The following ETV3L variants were observed in gnomAD, a reference collection of about 807,000 sequenced individuals.
ETV3L encodes ETS variant transcription factor 3 like.
Under a neutral mutation model 27.6 loss-of-function variants are expected in ETV3L, and 30 were observed. That is an observed-to-expected ratio of 1.09 (90% CI 0.81 to 1.48). ETV3L has a LOEUF of 1.48. ETV3L is among the 40% of genes most tolerant of loss of function. The pLI, the probability that ETV3L is intolerant of heterozygous loss-of-function variation, is 0.00. For synonymous variants in ETV3L, 186 were observed against 188.9 expected (o/e 0.98, Z 0.12); for missense variants, 443 against 455.6 (o/e 0.97, Z 0.25).
At chr1:157,098,920 G>C (rs1674285385) in intron 2 of ETV3L, 25 bp from the exon 3 acceptor site, 1 of 1,594,880 alleles carries the variant, frequency 6.3e-7, no homozygotes, top group Non-Finnish European at 8.6e-7. Flanking sequence ...GTTGAGAATA[G>C]AGTTGGCCCA....
chr1:157,097,788 C>T lies in ETV3L; in HGVS notation c.607+80G>A. ...CATAGTATCCCTTGTCTCATGCCCC[C>T]TCAGCCATGTACTCAGCCAGGAGGG... On this transcript the variant is annotated intron_variant, in intron 4 of 4. Transcript: ENST00000454449. 4 of 1,561,414 alleles carry T rather than the reference C, an allele frequency of 2.6e-6. No individual in the cohort carries two copies. The East Asian group carries it at 9.0e-5, about 35-fold the overall frequency.
rs755794675 is a variant in ETV3L at position 157,097,874 on chromosome 1, CGCT to C, written c.598_600del (p.Ser200del). ...CCCAGCCTTGAGCACTCACGGTAGACGCTGCTGCTGCTCCCCTTCTTATCCCCA... is the reference window on the plus strand; with the variant it reads ...CCCAGCCTTGAGCACTCACGGTAGACGCTGCTGCTCCCCTTCTTATCCCCA... On this transcript the variant is annotated inframe_deletion, in exon 4 of 5. Coordinates refer to ENST00000454449, the MANE Select transcript of ETV3L (RefSeq NM_001004341.2). 1.7e-5 allele frequency: 27 copies of C among 1,612,562 alleles called. No individual in the cohort carries two copies. Among genetic ancestry groups the C allele is most frequent in the Middle Eastern group, 1.9e-4 (1 of 5,370 alleles).
rs1199777868 is a variant in ETV3L, at chr1:157,099,372, G to T, written c.65C>A (p.Ala22Asp). 3 of 1,614,150 alleles carry T rather than the reference G, an allele frequency of 1.9e-6. No homozygotes were observed. Among genetic ancestry groups the T allele is most frequent in the East Asian group, 4.5e-5 (2 of 44,854 alleles). Residue 22 changes from alanine to aspartate, a missense_variant, in exon 2 of 5, where the codon GCC becomes GAC. Ala to Asp is a moderately radical substitution (Grantham distance 126). Transcript: ENST00000454449. ...GGCTTTGTAGGCCCAATCAGGGAAG[G>T]CCAACCCTGGGTGGAGAGGGGAGAG... is the stretch of plus-strand genomic sequence containing the variant. ...ANPGNWISGL[A>D]FPDWAYKAES...
In ETV3L at chr1:157,099,291, A is replaced by C; in HGVS notation, c.146T>G (p.Leu49Arg). The C allele has an allele frequency of 6.2e-7, 1 of 1,614,124 alleles. No individual in the cohort carries two copies. The highest frequency in any genetic ancestry group is 1.7e-5 in the Admixed American group (1 of 60,030). ...GACATGGCGGAACTCTTCCTTCTGCAGCAGCTCCAGGATGAAGTGCCACAG... is the reference window on the plus strand; with the variant it reads ...GACATGGCGGAACTCTTCCTTCTGCCGCAGCTCCAGGATGAAGTGCCACAG... ...IQLWHFILEL[L>R]QKEEFRHVIA... Residue 49 changes from leucine to arginine, a missense_variant, in exon 2 of 5, where the codon CTG (leucine) becomes CGG (arginine). Transcript: ENST00000454449.
In ETV3L at chr1:157,099,247, C is replaced by T; in HGVS notation, c.190G>A (p.Glu64Lys). The T allele has an allele frequency of 6.2e-7, 1 of 1,613,962 alleles. No individual in the cohort carries two copies. Among genetic ancestry groups the T allele is most frequent in the South Asian group, 1.1e-5 (1 of 91,074 alleles). ...FRHVIAWQQGEYGEFVIKDPD... is the reference protein window; with the variant it reads ...FRHVIAWQQGKYGEFVIKDPD... ...TCCTTGATGACAAATTCCCCGTACT[C>T]TCCCTGCTGCCAGGCGATGACATGG... The change falls in exon 2 of 5, where the codon GAG (glutamate) becomes AAG (lysine). Residue 64 changes from glutamate to lysine, a missense_variant. Physicochemically the swap from Glu to Lys is moderately conservative, Grantham distance 56. Transcript: ENST00000454449.
intron 3 of ETV3L, 66 bp from the exon 4 acceptor site, chr1:157,098,054 C>T: frequency 6.7e-7 from 1 of 1,489,296 alleles, no homozygotes. Flanking sequence ...CCAGTACAAT[C>T]TGGTACTGTT....
Position 157,097,292 on chromosome 1 carries a change from G to A in ETV3L, c.607+576C>T, listed in dbSNP as rs534633828. 4.0e-4 allele frequency among the ~76,000 whole-genome samples: 61 copies of A among 151,950 alleles called. 1 individual carries two copies. The South Asian group carries it at 7.1e-3, about 18-fold the overall frequency. On this transcript the variant is annotated intron_variant, in intron 4 of 4. Transcript: ENST00000454449. ...GTTTGAGACCAGCCTGGCCAACATG[G>A]TGAAACCCCGTCTTTACTAAAAATA... is the stretch of plus-strand genomic sequence containing the variant.
At chr1:157,095,058 G>A (rs1674193899) in intron 4 of ETV3L, among the ~76,000 whole-genome samples, 3 of 152,148 alleles carry the variant, frequency 2.0e-5, no homozygotes, top group African/African-American at 4.8e-5. Context: ...CAAGTGTGGA[G>A]GCCCCTATCA....
At chr1:157,094,922 A>AAC (rs1033882233) in intron 4 of ETV3L, among the ~76,000 whole-genome samples, 9 of 151,720 alleles carry the variant, frequency 5.9e-5, no homozygotes, top group African/African-American at 1.9e-4. Context: ...TCAAAAAAAA[A>AAC]AAAAAAAAAA....
chr1:157,098,089 A>T, intron 3 of ETV3L, 101 bp from the exon 4 acceptor site: 3 of 1,342,252 alleles, frequency 2.2e-6, no homozygotes, highest in Non-Finnish European at 2.0e-6. Context: ...ACAATGAAAT[A>T]CTCTCATACC....
At chr1:157,096,605 C>G (rs1200838054) in intron 4 of ETV3L, among the ~76,000 whole-genome samples, 4 of 152,166 alleles carry the variant, frequency 2.6e-5, no homozygotes, top group Admixed American at 2.0e-4. Context: ...CCAAACTCTA[C>G]ACACACACAG....
intron 4 of ETV3L, among the ~76,000 whole-genome samples, chr1:157,096,960 C>T (rs1674235702): frequency 6.6e-6 from 1 of 152,000 alleles, no homozygotes; most frequent in Non-Finnish European, 1.5e-5. Flanking sequence ...GAAAGTCTGA[C>T]CATGGATCTC....
At position 157,092,985 on chromosome 1, in the gene ETV3L, G is replaced by A. The variant is rs1176606841; in HGVS notation, c.750C>T (p.Pro250=). Residue 250 remains proline (P), a synonymous_variant, in exon 5 of 5, where the codon CCC becomes CCT. Transcript: ENST00000454449. ...LPSNWTCLSG[P]FLPPLPSEQQ... ...GCTCTGACGGGAGAGGAGGCAAGAA[G>A]GGCCCCGAGAGACAGGTCCAGTTGG... 1 of 1,613,456 alleles carries A rather than the reference G, an allele frequency of 6.2e-7. No individual in the cohort carries two copies. Among genetic ancestry groups the A allele is most frequent in the South Asian group, 1.1e-5 (1 of 90,998 alleles).
intron 3 of ETV3L, among the ~76,000 whole-genome samples, chr1:157,098,480 A>T (rs1442794810): frequency 6.6e-6 from 1 of 151,988 alleles, no homozygotes; most frequent in African/African-American, 2.4e-5. Flanking sequence ...CCACCCCTAA[A>T]GGAGTGGCGA....
chr1:157,098,739 C>A lies in ETV3L; in HGVS notation c.453G>T (p.Arg151=). ...HLLLGAPALC[R]PALVPVGVQS... is the part of the protein sequence containing the mutation. ...GCACACCCACGGGCACCAGCGCTGG[C>A]CGACACAGGGCAGGGGCCCCCAGCA... Residue 151 remains arginine, a synonymous_variant, in exon 3 of 5, where the codon CGG becomes CGT. Coordinates refer to ENST00000454449, the MANE Select transcript of ETV3L (RefSeq NM_001004341.2). The A allele has an allele frequency of 6.2e-7, 1 of 1,610,970 alleles. No homozygotes were observed. Among genetic ancestry groups the A allele is most frequent in the Non-Finnish European group, 8.5e-7 (1 of 1,178,566 alleles).
At chr1:157,094,552 A>T (rs148828910) in intron 4 of ETV3L, among the ~76,000 whole-genome samples, 185 of 152,318 alleles carry the variant, frequency 1.2e-3, no homozygotes, top group African/African-American at 4.2e-3. Context: ...GCAAGACCAC[A>T]TCATTTAACT....
rs528582385 is a variant in ETV3L at position 157,098,612 on chromosome 1, T to C, written c.486+94A>G. The C allele has an allele frequency of 6.5e-6, 8 of 1,235,584 alleles. No individual in the cohort carries two copies. In the African/African-American group the frequency reaches 1.1e-4, roughly 16 times the overall value. 76.5% of individuals were successfully genotyped at this position (1,235,584 alleles called of 1,614,324 possible). On this transcript the variant is annotated intron_variant, in intron 3 of 4. Coordinates refer to ENST00000454449, the MANE Select transcript of ETV3L (RefSeq NM_001004341.2). ...GGAGGAGAAGAAAACTGGAGGCTGATGGGCCCCAGAGGCAAAGAGGAGGGT... is the reference window on the plus strand; with the variant it reads ...GGAGGAGAAGAAAACTGGAGGCTGACGGGCCCCAGAGGCAAAGAGGAGGGT...
chr1:157,092,893 C>T lies in ETV3L; in HGVS notation c.842G>A (p.Trp281Ter), dbSNP rs769588187. 7 of 1,613,980 alleles carry T rather than the reference C, an allele frequency of 4.3e-6. No individual in the cohort carries two copies. In the South Asian group the frequency reaches 4.4e-5, roughly 10 times the overall value. Residue 281 changes from tryptophan to a stop codon, truncating the protein, a stop_gained, in exon 5 of 5, where the codon TGG (tryptophan) becomes TAG (stop). Transcript: ENST00000454449. LOFTEE classifies it low-confidence loss of function (END_TRUNC). ...LPGPRSLPGA[W>*]HFPGLPLLAG... ...CAAGAGAGGAAGCCCTGGAAAATGC[C>T]AGGCCCCTGGGAGGCTCCTAGGTCC...
At position 157,099,455 on chromosome 1, in the gene ETV3L, A is replaced by T. The variant is rs757160790; in HGVS notation, c.58+11T>A. 2 of 1,613,982 alleles carry T rather than the reference A, an allele frequency of 1.2e-6. No individual in the cohort carries two copies. The highest frequency in any genetic ancestry group is 4.5e-5 in the East Asian group (2 of 44,866). On this transcript the variant is annotated intron_variant, in intron 1 of 4. Coordinates refer to ENST00000454449, the MANE Select transcript of ETV3L (RefSeq NM_001004341.2). ...GTTGGAGCAGGGGGTAGGCCCGGCCAAGAGGCTCACCTGAGATCCAGTTGC... is the reference window on the plus strand; with the variant it reads ...GTTGGAGCAGGGGGTAGGCCCGGCCTAGAGGCTCACCTGAGATCCAGTTGC...
Sources: allele counts gnomAD v4.1 joint callset (sites outside exome capture counted in the v4.1 genomes callset), GRCh38; gene constraint gnomAD v4.1.1; transcripts MANE v1.5; gene names NCBI Gene and HGNC (gene_info 2026-07-23, HGNC 2026-07-21).